Variants in FBRSL1 observed in about 807,000 individuals in gnomAD.
FBRSL1 encodes fibrosin-1-like protein.
Under a neutral mutation model 89.6 loss-of-function variants are expected in FBRSL1, and 51 were observed. The ratio of observed to expected loss-of-function variants is 0.57; its 90% CI spans 0.45 to 0.72. The LOEUF is 0.72. Ranked by LOEUF, FBRSL1 falls within the 30% of genes least tolerant of loss-of-function variation. The pLI is 0.00. For synonymous variants in FBRSL1, 779 were observed against 681.1 expected, an observed-to-expected ratio of 1.14 and a Z score of -2.24; for missense variants, 1,618 against 1,451.8, an observed-to-expected ratio of 1.11 and a Z score of -1.86.
intron 4 of FBRSL1, among the ~76,000 whole-genome samples, chr12:132,529,125 G>A (rs1249191327): frequency 6.6e-6 from 1 of 152,182 alleles, no homozygotes; most frequent in Non-Finnish European, 1.5e-5. Flanking sequence ...TGGGAGGGTG[G>A]GGGCCTGGAC....
intron 2 of FBRSL1, among the ~76,000 whole-genome samples, chr12:132,518,272 A>G (rs374093765): frequency 1.1e-3 from 170 of 150,252 alleles, no homozygotes; most frequent in African/African-American, 4.1e-3. Flanking sequence ...CCATCCACCC[A>G]TGCATCTACC....
chr12:132,494,963 T>C (rs761388133), intron 1 of FBRSL1, among the ~76,000 whole-genome samples: 3 of 152,188 alleles, frequency 2.0e-5, no homozygotes, highest in Non-Finnish European at 4.4e-5. Context: ...CCCAGGCTAC[T>C]GATCGTGTGC....
chr12:132,536,713 T>A (rs1001522443), intron 4 of FBRSL1, among the ~76,000 whole-genome samples: 1 of 150,138 alleles, frequency 6.7e-6, no homozygotes, highest in Non-Finnish European at 1.5e-5. Context: ...TACATGACAG[T>A]GTGTGTGAGT....
chr12:132,509,358 C>T, intron 2 of FBRSL1: 1 of 1,245,584 alleles, frequency 8.0e-7, no homozygotes, highest in Non-Finnish European at 1.0e-6. Flanking sequence ...GCGCAGCTGG[C>T]CCCAGCGGTC....
At chr12:132,492,963 T>C (rs1799342430) in intron 1 of FBRSL1, among the ~76,000 whole-genome samples, 1 of 152,196 alleles carries the variant, frequency 6.6e-6, no homozygotes, top group Admixed American at 6.5e-5. Flanking sequence ...TAGTGACTGG[T>C]TCAGTAAGCA....
At position 132,508,339 on chromosome 12, in the gene FBRSL1, C is replaced by A; in HGVS notation, c.478C>A (p.Pro160Thr). 6.5e-7 allele frequency: 1 copy of A among 1,527,572 alleles called. No individual in the cohort carries two copies. The highest frequency in any genetic ancestry group is 8.8e-7 in the Non-Finnish European group (1 of 1,136,798). The allele number at this position is 1,527,572 out of a possible 1,614,324, so 94.6% of individuals were successfully genotyped here. Residue 160 changes from proline to threonine, a missense_variant, in exon 2 of 19, where the codon CCC (proline) becomes ACC (threonine). Physicochemically the swap from Pro to Thr is conservative, Grantham distance 38 (BLOSUM62 -1). Coordinates refer to ENST00000680143, the MANE Select transcript of FBRSL1 (RefSeq NM_001367871.1). ...TGGGGCGAGAAAGGTCCCACTGCAG[C>A]CCTCCAAGCAGGTGAGCAGGTCCCT... Reference protein sequence around the residue: ...CDGARKVPLQPSKQMKVTVSK... With the variant: ...CDGARKVPLQTSKQMKVTVSK...
At chr12:132,561,861 TG>T (rs2039158157) in intron 5 of FBRSL1, among the ~76,000 whole-genome samples, 1 of 152,162 alleles carries the variant, frequency 6.6e-6, no homozygotes, top group African/African-American at 2.4e-5. Context: ...GGTTCATGGC[TG>T]GCATGGAGCA....
chr12:132,525,905 G>A (rs559081461), intron 3 of FBRSL1, 82 bp downstream of exon 3: 61 of 1,203,998 alleles, frequency 5.1e-5, no homozygotes, highest in South Asian at 2.8e-4. Context: ...CGTCCAGTCC[G>A]AGTCTGGGCC....
Position 132,581,803 on chromosome 12 carries a change from G to A in FBRSL1, c.1975G>A (p.Gly659Ser). 1.3e-6 allele frequency: 2 copies of A among 1,548,568 alleles called. No homozygotes were observed. Among genetic ancestry groups the A allele is most frequent in the Non-Finnish European group, 1.7e-6 (2 of 1,146,036 alleles). ...LGSLSSHAFG[G>S]LGSHALAPGG... ...CAGCCTGAGCAGCCACGCCTTTGGG[G>A]GCCTGGGCAGCCATGCACTGGGTGA... The change falls in exon 17 of 19, where the codon GGC becomes AGC. Residue 659 changes from glycine to serine, a missense_variant. Transcript: ENST00000680143.
chr12:132,490,689 C>A lies in FBRSL1; in HGVS notation c.119C>A (p.Pro40His), dbSNP rs1194276361. The A allele has an allele frequency of 1.0e-6, 1 of 998,658 alleles. No individual in the cohort carries two copies. The highest frequency in any genetic ancestry group is 5.2e-5 in the Admixed American group (1 of 19,172). 61.9% of individuals were successfully genotyped at this position (998,658 alleles called of 1,614,324 possible). The change falls in exon 1 of 19, where the codon CCC becomes CAC. Residue 40 changes from proline to histidine, a missense_variant. Coordinates refer to ENST00000680143, the MANE Select transcript of FBRSL1 (RefSeq NM_001367871.1). Reference sequence around the variant, plus strand: ...CCGTCGTCGGGCGACGAGCCCGAGCCCAGCCCCGGCAAGGAGAACGCGGGC... The same window carrying A: ...CCGTCGTCGGGCGACGAGCCCGAGCACAGCCCCGGCAAGGAGAACGCGGGC... ...QSPSSGDEPE[P>H]SPGKENAGLR...
At chr12:132,544,366 A>G (rs1441461750) in intron 4 of FBRSL1, among the ~76,000 whole-genome samples, 1 of 152,070 alleles carries the variant, frequency 6.6e-6, no homozygotes, top group Non-Finnish European at 1.5e-5. Context: ...GAGAGACTTG[A>G]TATCGGGGTC....
chr12:132,573,330 C>A (rs2040168427), intron 11 of FBRSL1, among the ~76,000 whole-genome samples: 2 of 152,202 alleles, frequency 1.3e-5, no homozygotes, highest in African/African-American at 4.8e-5. Flanking sequence ...CCAGCACGCA[C>A]CCCTGGGCTC....
intron 5 of FBRSL1, among the ~76,000 whole-genome samples, chr12:132,555,407 C>G (rs868792838): frequency 2.9e-4 from 42 of 142,914 alleles, no homozygotes; most frequent in African/African-American, 5.4e-4. Context: ...GGTAGCCGCC[C>G]CACCCGAGCG....
intron 3 of FBRSL1, among the ~76,000 whole-genome samples, chr12:132,527,580 A>G (rs1593350218): frequency 6.9e-6 from 1 of 144,406 alleles, no homozygotes; most frequent in Non-Finnish European, 1.5e-5. Flanking sequence ...ATCCGAGTTG[A>G]GGGCTGCGGG....
intron 5 of FBRSL1, among the ~76,000 whole-genome samples, chr12:132,564,831 G>A (rs143029521): frequency 0.016 from 2,403 of 148,252 alleles, 86 homozygotes; most frequent in Non-Finnish European, 0.022. Flanking sequence ...GGGTTTCACC[G>A]TGTTGGCCAG....
At chr12:132,544,482 A>ACTTCAC (rs2037517092) in intron 4 of FBRSL1, among the ~76,000 whole-genome samples, 2 of 152,196 alleles carry the variant, frequency 1.3e-5, no homozygotes, top group African/African-American at 4.8e-5. Flanking sequence ...CCAGACCAGG[A>ACTTCAC]CTTCACCTAC....
chr12:132,511,851 C>G (rs1309014702), intron 2 of FBRSL1: 3 of 985,110 alleles, frequency 3.0e-6, no homozygotes, highest in Non-Finnish European at 3.6e-6. Flanking sequence ...CCACCCGGGC[C>G]CCTTCCTCCG....
In FBRSL1 at chr12:132,570,059, G is replaced by A. The variant is rs1350024218; in HGVS notation, c.825G>A (p.Pro275=). 1.1e-5 allele frequency: 17 copies of A among 1,496,696 alleles called. No homozygotes were observed. The highest frequency in any genetic ancestry group is 1.2e-5 in the South Asian group (1 of 80,088). The allele number at this position is 1,496,696 out of a possible 1,614,324, so 92.7% of individuals were successfully genotyped here. The change falls in exon 7 of 19, where the codon CCG becomes CCA. Residue 275 remains proline (P), a synonymous_variant. Transcript: ENST00000680143. ...CCGCGCCCCATGCCGCGCCCTGCCC[G>A]GGGCCCCCGCCCGGCTCCCGCGCCA... ...ASPAPHAAPC[P]GPPPGSRANP...
At chr12:132,572,740 C>A in intron 11 of FBRSL1, 118 bp downstream of exon 11, 1 of 737,368 alleles carries the variant, frequency 1.4e-6, no homozygotes, top group Non-Finnish European at 2.3e-6. Context: ...TCCCTTGTAC[C>A]TGTCGTCATC....
Sources: allele counts gnomAD v4.1 joint callset (sites outside exome capture counted in the v4.1 genomes callset), GRCh38; gene constraint gnomAD v4.1.1; transcripts MANE v1.5; gene names NCBI Gene and HGNC (gene_info 2026-07-23, HGNC 2026-07-21).